CUX1: variants seen among roughly 807,000 people sequenced by gnomAD.
CUX1 encodes cut like homeobox 1.
A neutral mutation model predicts 158.8 loss-of-function variants in CUX1; 31 were observed. The observed-to-expected ratio is 0.20, with a 90% CI of 0.15 to 0.26. The LOEUF is 0.26. Ranked by LOEUF, CUX1 falls within the 10% of genes least tolerant of loss-of-function variation. The pLI is 1.00. For synonymous variants in CUX1, 879 were observed against 862.1 expected (o/e 1.02, Z -0.34); for missense variants, 1,589 against 2,014.6 (o/e 0.79, Z 4.04).
At chr7:102,146,013 C>G (rs1359063299) in intron 8 of CUX1, among the ~76,000 whole-genome samples, 1 of 151,982 alleles carries the variant, frequency 6.6e-6, no homozygotes, top group African/African-American at 2.4e-5. Flanking sequence ...ACCCATTTTC[C>G]ACCAGCCACA....
At chr7:101,820,681 G>A (rs780503201) in intron 1 of CUX1, among the ~76,000 whole-genome samples, 2 of 152,174 alleles carry the variant, frequency 1.3e-5, no homozygotes, top group Non-Finnish European at 2.9e-5. Flanking sequence ...GGTTTCCACC[G>A]AAATTTCCCT....
At chr7:102,062,539 G>A (rs1251390875) in intron 3 of CUX1, among the ~76,000 whole-genome samples, 1 of 152,224 alleles carries the variant, frequency 6.6e-6, no homozygotes, top group Non-Finnish European at 1.5e-5. Flanking sequence ...TTGAGACAGG[G>A]TCTCACTGTC....
At chr7:101,932,417 C>G (rs548102238) in intron 2 of CUX1, 17 of 354,280 alleles carry the variant, frequency 4.8e-5, no homozygotes, top group Middle Eastern at 3.9e-4. Flanking sequence ...ATTCACAGCA[C>G]CAGGAATACG....
chr7:102,038,343 A>G (rs1585372076), intron 3 of CUX1, among the ~76,000 whole-genome samples: 1 of 152,178 alleles, frequency 6.6e-6, no homozygotes, highest in African/African-American at 2.4e-5. Context: ...AATGTTCACA[A>G]GATATTCAAA....
chr7:101,919,619 G>A (rs574452583), intron 2 of CUX1, among the ~76,000 whole-genome samples: 3 of 151,894 alleles, frequency 2.0e-5, no homozygotes, highest in South Asian at 4.2e-4. Context: ...TGATGGAAAC[G>A]CCCACGTCTC....
chr7:101,830,726 G>C (rs1325778027), intron 1 of CUX1, among the ~76,000 whole-genome samples: 1 of 151,988 alleles, frequency 6.6e-6, no homozygotes, highest in Non-Finnish European at 1.5e-5. Flanking sequence ...CAAAGTGCCG[G>C]GATTATATAA....
At position 101,950,253 on chromosome 7, in the gene CUX1, G is replaced by A. The variant is rs542774090; in HGVS notation, c.141+34028G>A. Among the ~76,000 whole-genome samples, 33 of 151,532 alleles carry A rather than the reference G, an allele frequency of 2.2e-4. No homozygotes were observed. In the East Asian group the frequency reaches 3.3e-3, roughly 15 times the overall value. ...CTGAACTCCTGATCTCAGGTGATCC[G>A]CCTGCCTCAGCCTCCCAAAGTGTTG... On this transcript the variant is annotated intron_variant, in intron 2 of 23. Coordinates refer to ENST00000292535, the MANE Select transcript of CUX1 (RefSeq NM_181552.4).
At chr7:102,270,613 C>G (rs1554546040) in intron 14 of CUX1, among the ~76,000 whole-genome samples, 1 of 152,226 alleles carries the variant, frequency 6.6e-6, no homozygotes, top group Non-Finnish European at 1.5e-5. Context: ...GTGCAACTGG[C>G]CTGTGCTCCT....
intron 20 of CUX1, among the ~76,000 whole-genome samples, chr7:102,211,733 T>TTGCACTA (rs2132144881): frequency 1.4e-5 from 2 of 142,518 alleles, no homozygotes; most frequent in South Asian, 4.4e-4. Flanking sequence ...TGGGCCGAGA[T>TTGCACTA]TGCACTATTG....
intron 13 of CUX1, chr7:102,194,150 G>A: frequency 1.9e-6 from 1 of 518,420 alleles, no homozygotes; most frequent in South Asian, 3.4e-5. Flanking sequence ...CTTCATCCCT[G>A]ACTGATAGGA....
chr7:102,198,389 A>G (rs1795027125), intron 15 of CUX1, among the ~76,000 whole-genome samples: 1 of 152,236 alleles, frequency 6.6e-6, no homozygotes, highest in Non-Finnish European at 1.5e-5. Flanking sequence ...AGACTCAAAC[A>G]GAGCAGGGAG....
At chr7:101,866,953 G>C (rs942200136) in intron 1 of CUX1, among the ~76,000 whole-genome samples, 1 of 152,246 alleles carries the variant, frequency 6.6e-6, no homozygotes, top group Non-Finnish European at 1.5e-5. Context: ...GGGCATGGTG[G>C]CTCACGCCTG....
At chr7:102,216,435 A>G (rs1430195449) in intron 20 of CUX1, among the ~76,000 whole-genome samples, 1 of 151,830 alleles carries the variant, frequency 6.6e-6, no homozygotes, top group Admixed American at 6.6e-5. Context: ...GCCAGAGAGC[A>G]TGACTTGGTA....
In CUX1 at chr7:102,255,443, TA is replaced by T; in HGVS notation, c.*6404del. 1 of 983,100 alleles carries T rather than the reference TA, an allele frequency of 1.0e-6. No individual in the cohort carries two copies. Among genetic ancestry groups the T allele is most frequent in the Non-Finnish European group, 1.2e-6 (1 of 829,362 alleles). 60.9% of individuals were successfully genotyped at this position (983,100 alleles called of 1,614,324 possible). On this transcript the variant is annotated 3_prime_UTR_variant, in exon 24 of 24. Coordinates refer to ENST00000292535, the MANE Select transcript of CUX1 (RefSeq NM_181552.4). The stretch of plus-strand genomic sequence containing the variant: ...CGAGAGAAAGACATTTGGCTATGCA[TA>T]AATGTGCACTTCCCCCATGCCCCCG...
intron 2 of CUX1, among the ~76,000 whole-genome samples, chr7:102,005,151 G>A (rs893548040): frequency 6.6e-6 from 1 of 152,058 alleles, no homozygotes; most frequent in African/African-American, 2.4e-5. Flanking sequence ...CCTGGGAGTC[G>A]GGGGTTTTGC....
At chr7:102,166,769 A>G (rs185990663) in intron 9 of CUX1, among the ~76,000 whole-genome samples, 2 of 152,128 alleles carry the variant, frequency 1.3e-5, no homozygotes, top group East Asian at 1.9e-4. Flanking sequence ...AACCACCTCA[A>G]CGCTTCATTT....
intron 12 of CUX1, 28 bp downstream of exon 12, chr7:102,189,899 C>T: frequency 1.2e-6 from 2 of 1,611,620 alleles, no homozygotes; most frequent in Non-Finnish European, 1.7e-6. Flanking sequence ...TGTGGCCCCT[C>T]ACACGCTGGG....
chr7:102,099,783 T>G (rs1333984453), intron 5 of CUX1, among the ~76,000 whole-genome samples: 4 of 152,042 alleles, frequency 2.6e-5, no homozygotes, highest in Non-Finnish European at 5.9e-5. Context: ...TGGAGGGTGG[T>G]GCAGGTGGGG....
chr7:102,103,866 A>T (rs1267317888), intron 5 of CUX1, among the ~76,000 whole-genome samples: 1 of 152,086 alleles, frequency 6.6e-6, no homozygotes, highest in Non-Finnish European at 1.5e-5. Flanking sequence ...ATCATAGAGA[A>T]TGGGGTACCG....
Sources: gnomAD v4.1 joint callset for allele counts (sites outside exome capture counted in the v4.1 genomes callset) on GRCh38, gnomAD v4.1.1 for gene constraint, MANE v1.5 for transcripts, NCBI Gene and HGNC (gene_info 2026-07-23, HGNC 2026-07-21) for gene names.